Variants in LY75 observed in about 807,000 individuals in gnomAD.
The protein encoded by LY75 is lymphocyte antigen 75, also known as C-type lectin domain family 13 member B.
LY75 carries 185 observed loss-of-function variants against 231.7 expected under a neutral mutation model. The ratio of observed to expected loss-of-function variants is 0.80; its 90% confidence interval spans 0.71 to 0.90. The LOEUF (loss-of-function observed/expected upper bound fraction) is 0.90. Ranked by LOEUF, LY75 falls within the 40% of genes least tolerant of loss-of-function variation. The pLI, the probability that LY75 is intolerant of heterozygous loss-of-function variation, is 0.00. For missense variants in LY75, 1,947 were observed against 2,050.2 expected, an observed-to-expected ratio of 0.95 and a Z score of 0.97; for synonymous variants, 668 against 689.0, an observed-to-expected ratio of 0.97 and a Z score of 0.48.
At chr2:159,843,349 C>A (rs557030823) in intron 23 of LY75, among the ~76,000 whole-genome samples, 15 of 152,048 alleles carry the variant, frequency 9.9e-5, no homozygotes, top group African/African-American at 3.6e-4. Context: ...CCATAAGCAA[C>A]TTTACTTCAA....
At chr2:159,895,300 T>C (rs1685880625) in intron 2 of LY75, among the ~76,000 whole-genome samples, 1 of 152,218 alleles carries the variant, frequency 6.6e-6, no homozygotes, top group Non-Finnish European at 1.5e-5. Flanking sequence ...TTCAAAAGCG[T>C]ACTTCTGTTA....
intron 23 of LY75, among the ~76,000 whole-genome samples, chr2:159,846,695 G>A (rs1006051027): frequency 1.3e-5 from 2 of 152,124 alleles, no homozygotes; most frequent in African/African-American, 4.8e-5. Context: ...ATTTATTTCT[G>A]TAATATTTTT....
chr2:159,831,966 A>T (rs1041534837), intron 27 of LY75, among the ~76,000 whole-genome samples, 180 bp from the exon 28 acceptor site: 5 of 152,228 alleles, frequency 3.3e-5, no homozygotes, highest in Non-Finnish European at 5.9e-5. Context: ...TAGGTTAAGG[A>T]GTTTTCAAAT....
intron 8 of LY75, among the ~76,000 whole-genome samples, chr2:159,880,231 A>G (rs1484950279): frequency 6.6e-6 from 1 of 152,216 alleles, no homozygotes; most frequent in African/African-American, 2.4e-5. Flanking sequence ...AGAGGTACAT[A>G]TATCTTTTCT....
chr2:159,829,248 G>A (rs1176756653), intron 28 of LY75, among the ~76,000 whole-genome samples: 2 of 152,156 alleles, frequency 1.3e-5, no homozygotes, highest in East Asian at 1.9e-4. Flanking sequence ...CTGCACACAC[G>A]ATTTGGTTCT....
intron 28 of LY75, 65 bp downstream of exon 28, chr2:159,831,605 C>T: frequency 6.5e-7 from 1 of 1,541,994 alleles, no homozygotes; most frequent in Non-Finnish European, 8.9e-7. Flanking sequence ...AGAACTATGG[C>T]TTGATAATTA....
chr2:159,867,642 C>T (rs1684895705), intron 13 of LY75, among the ~76,000 whole-genome samples: 1 of 152,216 alleles, frequency 6.6e-6, no homozygotes. Context: ...AAAACAGTAT[C>T]TCAGCCATAA....
At chr2:159,885,648 C>A (rs1193817577) in intron 5 of LY75, among the ~76,000 whole-genome samples, 1 of 152,052 alleles carries the variant, frequency 6.6e-6, no homozygotes, top group Non-Finnish European at 1.5e-5. Flanking sequence ...GCCATTAAGG[C>A]CTTGAGTTAA....
In LY75 at chr2:159,805,040, G is replaced by T; in HGVS notation, c.*4C>A. 1 of 1,611,482 alleles carries T rather than the reference G, an allele frequency of 6.2e-7. No individual in the cohort carries two copies. ...AGTGCAAATTAGAAAACTTTTAGAA[G>T]AATTTAGTCATGGAAAGAAGGAAGC... is the stretch of plus-strand genomic sequence containing the variant. On this transcript the variant is annotated 3_prime_UTR_variant, in exon 35 of 35. Transcript: ENST00000263636.
intron 30 of LY75, 110 bp downstream of exon 30, chr2:159,816,696 G>A: frequency 2.1e-6 from 3 of 1,447,362 alleles, no homozygotes; most frequent in South Asian, 2.8e-5. Flanking sequence ...TGCAAGCGGA[G>A]TCCCAGTACT....
intron 4 of LY75, among the ~76,000 whole-genome samples, chr2:159,888,737 TAC>T (rs1201429968): frequency 6.6e-6 from 1 of 152,200 alleles, no homozygotes; most frequent in Non-Finnish European, 1.5e-5. Context: ...GCAAAGAACT[TAC>T]AGTCTTATAA....
Position 159,854,380 on chromosome 2 carries a change from T to A in LY75, c.2575A>T (p.Ile859Phe), listed in dbSNP as rs754156668. 1.4e-6 allele frequency: 2 copies of A among 1,438,102 alleles called. No individual in the cohort carries two copies. The highest frequency in any genetic ancestry group is 2.1e-5 in the Admixed American group (1 of 46,612). 89.1% of individuals were successfully genotyped at this position (1,438,102 alleles called of 1,614,324 possible). A position where few individuals can be genotyped will look rare whatever the true frequency, so the allele number is the denominator to read the frequency against. ...TITSFVGLKA[I>F]KNKIANISGD... ...ATTACATTTGCTATTTTGTTTTTGA[T>A]GGCTTTTAGTCCCACAAAAGATGTT... Residue 859 changes from isoleucine to phenylalanine, a missense_variant, in exon 18 of 35, where the codon ATC (isoleucine) becomes TTC (phenylalanine). By Grantham distance (21) the Ile-to-Phe change is conservative (BLOSUM62 0). Transcript: ENST00000263636.
chr2:159,852,116 C>A (rs1047627931), intron 21 of LY75, 85 bp downstream of exon 21: 29 of 1,528,114 alleles, frequency 1.9e-5, no homozygotes, highest in Non-Finnish European at 2.6e-5. Context: ...GTGATGTTGT[C>A]ACTAATGGGT....
At chr2:159,826,359 G>C (rs926804862) in intron 28 of LY75, among the ~76,000 whole-genome samples, 1 of 152,100 alleles carries the variant, frequency 6.6e-6, no homozygotes, top group Non-Finnish European at 1.5e-5. Flanking sequence ...ATTCACAACT[G>C]TTACAAAGAG....
intron 6 of LY75, among the ~76,000 whole-genome samples, chr2:159,883,282 T>TA (rs1018177547): frequency 1.2e-3 from 168 of 136,746 alleles, no homozygotes; most frequent in Admixed American, 2.5e-3. Context: ...AAAGTATAAT[T>TA]AAAAAAAAAA....
intron 12 of LY75, among the ~76,000 whole-genome samples, chr2:159,874,723 T>TA (rs1685188286): frequency 2.0e-5 from 1 of 50,476 alleles, no homozygotes; most frequent in African/African-American, 6.9e-5. Flanking sequence ...AATATATATA[T>TA]TTTGTAAATA....
intron 4 of LY75, among the ~76,000 whole-genome samples, chr2:159,888,768 T>C (rs1222369735): frequency 1.3e-5 from 2 of 152,360 alleles, no homozygotes; most frequent in African/African-American, 2.4e-5. Context: ...TCCATTTATA[T>C]GTGTGATACA....
chr2:159,869,334 C>T lies in LY75; in HGVS notation c.2117+3117G>A, dbSNP rs1490921281. ...AAAAAGAAAAAGAAAGGCCATGGTC[C>T]AGAGGTGGCCACCATGAGGACTTCC... On this transcript the variant is annotated intron_variant, in intron 13 of 34. Coordinates refer to ENST00000263636, the MANE Select transcript of LY75 (RefSeq NM_002349.4). Among the ~76,000 whole-genome samples, 5 of 151,814 alleles carry T rather than the reference C, an allele frequency of 3.3e-5. 1 individual carries two copies. In the Middle Eastern group the frequency reaches 0.01, roughly 312 times the overall value.
Position 159,854,366 on chromosome 2 carries a change from T to C in LY75, c.2589A>G (p.Ile863Met). 1 of 1,415,684 alleles carries C rather than the reference T, an allele frequency of 7.1e-7. No homozygotes were observed. Among genetic ancestry groups the C allele is most frequent in the Non-Finnish European group, 9.3e-7 (1 of 1,072,566 alleles). 87.7% of individuals were successfully genotyped at this position (1,415,684 alleles called of 1,614,324 possible). The part of the protein sequence containing the change: ...FVGLKAIKNK[I>M]ANISGDGQKW... ...ATATATTCTTTTAAATTACATTTGC[T>C]ATTTTGTTTTTGATGGCTTTTAGTC... The change falls in exon 18 of 35, where the codon ATA becomes ATG. Residue 863 changes from isoleucine (I) to methionine (M), a missense_variant. Coordinates refer to ENST00000263636, the MANE Select transcript of LY75 (RefSeq NM_002349.4).
Sources: gnomAD v4.1 joint callset for allele counts (sites outside exome capture counted in the v4.1 genomes callset) on GRCh38, gnomAD v4.1.1 for gene constraint, MANE v1.5 for transcripts, NCBI Gene and HGNC (gene_info 2026-07-23, HGNC 2026-07-21) for gene names.